Variants in A1CF observed in about 807,000 individuals in gnomAD.
A1CF encodes APOBEC1 complementation factor, also known as APOBEC-1 stimulating protein.
Under a neutral mutation model 68.9 loss-of-function variants are expected in A1CF, and 48 were observed. The ratio of observed to expected loss-of-function variants is 0.70; its 90% CI spans 0.55 to 0.89. The LOEUF (loss-of-function observed/expected upper bound fraction) is 0.89, where lower values mean the gene tolerates loss of function less well. Ranked by LOEUF, A1CF falls within the 40% of genes least tolerant of loss-of-function variation. The probability of loss-of-function intolerance (pLI) is 0.00; values close to 1 mark genes in which losing one functional copy is unlikely to be tolerated. For missense variants in A1CF, 653 were observed against 718.9 expected (o/e 0.91, Z 1.05); for synonymous variants, 272 against 260.4 (o/e 1.04, Z -0.43).
In A1CF at chr10:50,836,133, G is replaced by A. The variant is rs1481390755; in HGVS notation, c.545C>T (p.Ala182Val). 14 of 1,613,892 alleles carry A rather than the reference G, an allele frequency of 8.7e-6. No homozygotes were observed. The highest frequency in any genetic ancestry group is 1.1e-5 in the Non-Finnish European group (13 of 1,179,910). Residue 182 changes from alanine (A) to valine (V), a missense_variant, in exon 6 of 13, where the codon GCC becomes GTC. Ala to Val is a moderately conservative substitution (Grantham distance 64, BLOSUM62 0). Coordinates refer to ENST00000373997, the MANE Select transcript of A1CF (RefSeq NM_014576.4). ...TCGATGACTCTCATACTCCACGAAG[G>A]CAAAGCCTCGGTTTTTGGTTTTATC... ...AADKTKNRGF[A>V]FVEYESHRAA...
intron 8 of A1CF, 48 bp from the exon 9 acceptor site, chr10:50,816,327 A>C: frequency 6.3e-7 from 1 of 1,588,518 alleles, no homozygotes; most frequent in Non-Finnish European, 8.6e-7. Context: ...TATGAAGATA[A>C]CCAAGTGTGG....
intron 3 of A1CF, among the ~76,000 whole-genome samples, chr10:50,851,739 A>G (rs574238525): frequency 1.4e-4 from 22 of 152,348 alleles, no homozygotes; most frequent in Middle Eastern, 3.4e-3. Flanking sequence ...GAGAACTGAA[A>G]GTGGAATAAT....
intron 1 of A1CF, among the ~76,000 whole-genome samples, chr10:50,885,072 G>C (rs12261175): frequency 6.6e-6 from 1 of 152,116 alleles, no homozygotes; most frequent in Non-Finnish European, 1.5e-5. Flanking sequence ...AGGCGGAATC[G>C]CAAGAGTTGT....
At chr10:50,862,865 G>T (rs914891570) in intron 2 of A1CF, 4 of 152,120 alleles carry the variant, frequency 2.6e-5, no homozygotes, top group Non-Finnish European at 4.4e-5. Context: ...GGGTCTGATG[G>T]GATTATTTAC....
intron 1 of A1CF, among the ~76,000 whole-genome samples, chr10:50,873,908 A>G (rs1242961739): frequency 2.0e-5 from 3 of 152,198 alleles, no homozygotes; most frequent in African/African-American, 4.8e-5. Context: ...CTTAGAGTTT[A>G]TCAGAGAAAA....
At chr10:50,850,364 T>A (rs544235795) in intron 3 of A1CF, among the ~76,000 whole-genome samples, 21 of 152,340 alleles carry the variant, frequency 1.4e-4, no homozygotes, top group Non-Finnish European at 2.8e-4. Flanking sequence ...CCCTTTATGT[T>A]TAAGGATTAT....
chr10:50,871,300 A>G (rs1005480093), intron 1 of A1CF, among the ~76,000 whole-genome samples: 1 of 151,912 alleles, frequency 6.6e-6, no homozygotes, highest in Non-Finnish European at 1.5e-5. Context: ...AATAGAATAA[A>G]AACATAAAAG....
At chr10:50,836,029 C>A in intron 6 of A1CF, 45 bp downstream of exon 6, 2 of 1,490,732 alleles carry the variant, frequency 1.3e-6, no homozygotes, top group Non-Finnish European at 1.8e-6. Context: ...CGGAGGCAGG[C>A]AGGATAGGCA....
rs547346096 is a variant in A1CF, at chr10:50,843,837, A to G, written c.234+151T>C. 1.7e-4 allele frequency: 158 copies of G among 951,740 alleles called. 2 individuals are homozygous for G. In the South Asian group the frequency reaches 2.4e-3, roughly 14 times the overall value. The allele number at this position is 951,740 out of a possible 1,614,324, so 59.0% of individuals were successfully genotyped here. On this transcript the variant is annotated intron_variant, in intron 4 of 12. Transcript: ENST00000373997. ...AGGTCAAGGCAGTGATTATAAAGAG[A>G]TAATCACTAGAAACTTTGTCTATAA...
intron 1 of A1CF, among the ~76,000 whole-genome samples, chr10:50,883,215 A>T (rs1486934506): frequency 6.6e-6 from 1 of 152,218 alleles, no homozygotes. Context: ...TGTTACAAAT[A>T]GGAAAATGAA....
chr10:50,868,506 A>C (rs10994779), intron 1 of A1CF, among the ~76,000 whole-genome samples: 7,588 of 152,258 alleles, frequency 0.05, 621 homozygotes, highest in African/African-American at 0.17. Flanking sequence ...AGACATCACA[A>C]AAAGTCCCAA....
chr10:50,806,670 T>G lies in A1CF; in HGVS notation c.*59A>C. ...ATTGGGGACCGAGTTAGAGGTTTAT[T>G]TCTTTTTTTTTTTTAATAGAGTTTT... On this transcript the variant is annotated 3_prime_UTR_variant, in exon 13 of 13. Transcript: ENST00000373997. 1 of 1,490,176 alleles carries G rather than the reference T, an allele frequency of 6.7e-7. No homozygotes were observed. The highest frequency in any genetic ancestry group is 9.0e-7 in the Non-Finnish European group (1 of 1,113,908). 92.3% of individuals were successfully genotyped at this position (1,490,176 alleles called of 1,614,324 possible).
At chr10:50,830,982 C>A (rs1437026335) in intron 6 of A1CF, among the ~76,000 whole-genome samples, 1 of 152,114 alleles carries the variant, frequency 6.6e-6, no homozygotes, top group Non-Finnish European at 1.5e-5. Context: ...TGATCTTTGA[C>A]AAAGGTGCCA....
At chr10:50,850,952 A>T (rs1840214571) in intron 3 of A1CF, 3 of 834,868 alleles carry the variant, frequency 3.6e-6, no homozygotes, top group Non-Finnish European at 5.4e-6. Context: ...AACTATTATT[A>T]TGGCCGCTAG....
rs781065153 is a variant in A1CF at position 50,802,338 on chromosome 10, A to C, written c.*4391T>G. 1 of 152,246 alleles carries C rather than the reference A, an allele frequency of 6.6e-6. No homozygotes were observed. Among genetic ancestry groups the C allele is most frequent in the Non-Finnish European group, 1.5e-5 (1 of 68,030 alleles). 9.4% of individuals were successfully genotyped at this position (152,246 alleles called of 1,614,324 possible). On this transcript the variant is annotated 3_prime_UTR_variant, in exon 13 of 13. Coordinates refer to ENST00000373997, the MANE Select transcript of A1CF (RefSeq NM_014576.4). Reference sequence around the variant, plus strand: ...ACAAAACCTGATTGACAATGGTTGCACGTCAGGTAGGAATATTTACTGCCT... The same window carrying C: ...ACAAAACCTGATTGACAATGGTTGCCCGTCAGGTAGGAATATTTACTGCCT...
chr10:50,883,961 C>T (rs946630253), intron 1 of A1CF, among the ~76,000 whole-genome samples: 4 of 152,184 alleles, frequency 2.6e-5, no homozygotes, highest in African/African-American at 9.7e-5. Context: ...CCAAGAATAA[C>T]ATGAGATAAT....
At chr10:50,853,403 G>A (rs1172828923) in intron 3 of A1CF, among the ~76,000 whole-genome samples, 11 of 152,100 alleles carry the variant, frequency 7.2e-5, no homozygotes, top group African/African-American at 2.7e-4. Context: ...CCTAAAGAAG[G>A]TCACCTGGCT....
chr10:50,855,483 C>G (rs1199831621), intron 3 of A1CF, among the ~76,000 whole-genome samples: 1 of 151,884 alleles, frequency 6.6e-6, no homozygotes, highest in African/African-American at 2.4e-5. Flanking sequence ...TAAATACATA[C>G]TATATGTGGG....
At chr10:50,822,838 C>T (rs979837965) in intron 7 of A1CF, 1 of 152,170 alleles carries the variant, frequency 6.6e-6, no homozygotes, top group African/African-American at 2.4e-5. Context: ...CTTCACCTTT[C>T]CAGTCTTTGC....
Sources: allele counts gnomAD v4.1 joint callset (sites outside exome capture counted in the v4.1 genomes callset), GRCh38; gene constraint gnomAD v4.1.1; transcripts MANE v1.5; gene names NCBI Gene and HGNC (gene_info 2026-07-23, HGNC 2026-07-21).